Variants in ZSCAN5A observed in about 807,000 individuals in gnomAD.
The protein encoded by ZSCAN5A is zinc finger and SCAN domain containing 5A.
ZSCAN5A carries 12 observed loss-of-function variants against 23.7 expected under a neutral mutation model. That is an observed-to-expected ratio of 0.51 (90% confidence interval 0.32 to 0.82). ZSCAN5A has a LOEUF of 0.82. Among genes scored for constraint, ZSCAN5A ranks in the 40% least tolerant of loss-of-function variants. ZSCAN5A has a pLI of 0.03. For missense variants in ZSCAN5A, 597 were observed against 617.9 expected, an observed-to-expected ratio of 0.97 and a Z score of 0.36; for synonymous variants, 257 against 239.9, an observed-to-expected ratio of 1.07 and a Z score of -0.66.
chr19:56,301,472 T>G (rs1252054971), intron 2 of ZSCAN5A, among the ~76,000 whole-genome samples: 3 of 152,178 alleles, frequency 2.0e-5, no homozygotes, highest in Non-Finnish European at 4.4e-5. Context: ...AGAGGTCACT[T>G]GAATCGCTAT....
intron 2 of ZSCAN5A, among the ~76,000 whole-genome samples, chr19:56,287,257 T>A (rs8103418): frequency 0.44 from 66,931 of 151,996 alleles, 15,629 homozygotes; most frequent in Non-Finnish European, 0.52. Context: ...CCTCCGGGGG[T>A]TCCCCCAAGA....
intron 2 of ZSCAN5A, among the ~76,000 whole-genome samples, chr19:56,311,019 A>T (rs1231229576): frequency 6.6e-6 from 1 of 152,256 alleles, no homozygotes. Flanking sequence ...GTAATTAAAA[A>T]TACTTTTACC....
At chr19:56,298,191 G>A (rs2040003206) in intron 2 of ZSCAN5A, 1 of 152,116 alleles carries the variant, frequency 6.6e-6, no homozygotes, top group Non-Finnish European at 1.5e-5. Context: ...CCAATATTTG[G>A]AAGGAAGAAG....
intron 2 of ZSCAN5A, among the ~76,000 whole-genome samples, chr19:56,232,505 A>G (rs950806996): frequency 2.0e-5 from 3 of 152,046 alleles, no homozygotes; most frequent in Admixed American, 2.0e-4. Flanking sequence ...ACCATGAAAA[A>G]AAAAGAGGAT....
chr19:56,319,475 G>A (rs138876666), upstream of ZSCAN5A, among the ~76,000 whole-genome samples: 2,013 of 122,064 alleles, frequency 0.016, 52 homozygotes, highest in African/African-American at 0.06. Flanking sequence ...CAGCCTGGGC[G>A]ACAGACCAAG....
intron 2 of ZSCAN5A, among the ~76,000 whole-genome samples, chr19:56,232,939 C>A (rs1221703998): frequency 6.6e-6 from 1 of 152,184 alleles, no homozygotes; most frequent in Non-Finnish European, 1.5e-5. Context: ...GCCTCAGCTT[C>A]TTAAAGTGCT....
At chr19:56,284,190 G>T in intron 2 of ZSCAN5A, 1 of 985,288 alleles carries the variant, frequency 1.0e-6, no homozygotes, top group Non-Finnish European at 1.2e-6. Context: ...TGGATGGGCT[G>T]CCATCAGGGA....
At chr19:56,335,884 C>A (rs373937660) in intron 2 of ZSCAN5A, among the ~76,000 whole-genome samples, 2 of 152,160 alleles carry the variant, frequency 1.3e-5, no homozygotes, top group African/African-American at 4.8e-5. Flanking sequence ...GTTGAAAATT[C>A]TTTTCTTTAA....
At chr19:56,245,205 C>CT (rs146885116) in intron 2 of ZSCAN5A, 24,979 of 561,712 alleles carry the variant, frequency 0.044, 996 homozygotes, top group East Asian at 0.18. Flanking sequence ...GTCTGATTGT[C>CT]TTTTTTCTCT....
rs531042856 is a variant in ZSCAN5A at position 56,224,934 on chromosome 19, A to G, written c.113T>C (p.Val38Ala). 1 of 1,614,208 alleles carries G rather than the reference A, an allele frequency of 6.2e-7. No individual in the cohort carries two copies. ...GTTCACGTGAGAAATCTCAGGGTCC[A>G]CGTCGTGATTTCCAAGTTGAGTTTC... ...SSETQLGNHD[V>A]DPEISHVNFR... Residue 38 changes from valine (V) to alanine (A), a missense_variant, in exon 3 of 6, where the codon GTG becomes GCG. Physicochemically the swap from Val to Ala is moderately conservative, Grantham distance 64. Around this residue, in one of 5 missense-constraint regions of ZSCAN5A, gnomAD observed 72 missense variants for 76.8 expected, o/e 0.94. Coordinates refer to ENST00000683990, the MANE Select transcript of ZSCAN5A (RefSeq NM_001322064.3).
intron 1 of ZSCAN5A, among the ~76,000 whole-genome samples, chr19:56,313,725 C>T (rs749031607): frequency 4.6e-5 from 7 of 152,146 alleles, no homozygotes; most frequent in Non-Finnish European, 8.8e-5. Flanking sequence ...GTAACTTCTC[C>T]TGGATACCAT....
In ZSCAN5A at chr19:56,263,213, A is replaced by C. The variant is rs146391906; in HGVS notation, c.-127-38040T>G. On this transcript the variant is annotated intron_variant, in intron 2 of 5. Coordinates refer to ENST00000683990, the MANE Select transcript of ZSCAN5A (RefSeq NM_001322064.3). Reference sequence around the variant, plus strand: ...AGCATTGGGCTTCTGGAATGTGGTGATATCTAAGGTTCTTCCAGCTTTGGC... The same window carrying C: ...AGCATTGGGCTTCTGGAATGTGGTGCTATCTAAGGTTCTTCCAGCTTTGGC... The C allele has an allele frequency of 2.2e-4, 34 of 152,274 alleles. 1 individual carries two copies. The highest frequency in any genetic ancestry group is 7.9e-4 in the African/African-American group (33 of 41,540). The allele number at this position is 152,274 out of a possible 1,614,324, so 9.4% of individuals were successfully genotyped here.
intron 2 of ZSCAN5A, chr19:56,280,494 T>C (rs2038610740): frequency 1.3e-5 from 2 of 152,308 alleles, no homozygotes; most frequent in South Asian, 4.1e-4. Context: ...TACATGGAAA[T>C]ATGTAGAATT....
At chr19:56,290,068 C>T (rs2039413152) in intron 2 of ZSCAN5A, among the ~76,000 whole-genome samples, 1 of 152,146 alleles carries the variant, frequency 6.6e-6, no homozygotes, top group Admixed American at 6.6e-5. Flanking sequence ...AGTGGTTTCC[C>T]CAAACTGGCT....
At chr19:56,226,799 A>G (rs1188915827) in intron 2 of ZSCAN5A, among the ~76,000 whole-genome samples, 1 of 152,132 alleles carries the variant, frequency 6.6e-6, no homozygotes, top group Non-Finnish European at 1.5e-5. Context: ...TTGAAAAACT[A>G]CCTATTGGGT....
chr19:56,224,302 A>G lies in ZSCAN5A; in HGVS notation c.384+361T>C, dbSNP rs1007869170. ...TTCCCTACATTCCATCAGGCCTAAT[A>G]TTTCACCAATGTCTTTCTTTCATGT... On this transcript the variant is annotated intron_variant, in intron 3 of 5. Coordinates refer to ENST00000683990, the MANE Select transcript of ZSCAN5A (RefSeq NM_001322064.3). 1.1e-5 allele frequency: 3 copies of G among 275,240 alleles called. No homozygotes were observed. The Admixed American group carries it at 1.4e-4, about 13-fold the overall frequency. 17.0% of individuals were successfully genotyped at this position (275,240 alleles called of 1,614,324 possible).
At chr19:56,343,095 C>T (rs370687648) in intron 2 of ZSCAN5A, 61 of 772,488 alleles carry the variant, frequency 7.9e-5, no homozygotes, top group East Asian at 5.4e-4. Flanking sequence ...GGGCGGCCTT[C>T]GGGTCCTATC....
rs549107314 is a variant in ZSCAN5A, at chr19:56,245,843, G to C, written c.-127-20670C>G. On this transcript the variant is annotated intron_variant, in intron 2 of 5. Coordinates refer to ENST00000683990, the MANE Select transcript of ZSCAN5A (RefSeq NM_001322064.3). ...TTTGCCTTTCAGGACACATGGCCATGTCTGGAGATGTGTTTGTGTGTCATT... is the reference window on the plus strand; with the variant it reads ...TTTGCCTTTCAGGACACATGGCCATCTCTGGAGATGTGTTTGTGTGTCATT... Among the ~76,000 whole-genome samples the C allele has an allele frequency of 2.0e-4, 30 of 152,268 alleles. No homozygotes were observed. The South Asian group carries it at 6.0e-3, about 31-fold the overall frequency.
chr19:56,260,433 C>T (rs945134941), intron 2 of ZSCAN5A, among the ~76,000 whole-genome samples: 3 of 151,882 alleles, frequency 2.0e-5, no homozygotes, highest in Non-Finnish European at 4.4e-5. Flanking sequence ...AGGCTGGTCT[C>T]GAACTCTCGA....
Sources: allele counts gnomAD v4.1 joint callset (sites outside exome capture counted in the v4.1 genomes callset), GRCh38; gene constraint gnomAD v4.1.1; regional missense constraint gnomAD v4.1.1; transcripts MANE v1.5; gene names NCBI Gene and HGNC (gene_info 2026-07-23, HGNC 2026-07-21).